GPC6: variants seen among roughly 807,000 people sequenced by gnomAD.
GPC6 encodes glypican 6, also known as glypican-6.
A neutral mutation model predicts 55.2 loss-of-function variants in GPC6; 14 were observed. The observed-to-expected ratio is 0.25, with a 90% CI of 0.17 to 0.40. The LOEUF (loss-of-function observed/expected upper bound fraction) is 0.40, where lower values mean the gene tolerates loss of function less well. Ranked by LOEUF, GPC6 falls within the 10% of genes least tolerant of loss-of-function variation. The probability of loss-of-function intolerance (pLI) is 1.00; values close to 1 mark genes in which losing one functional copy is unlikely to be tolerated. For missense variants in GPC6, 641 were observed against 708.5 expected (o/e 0.90, Z 1.08); for synonymous variants, 278 against 259.6 (o/e 1.07, Z -0.68).
At chr13:93,997,564 G>A (rs1258900389) in intron 3 of GPC6, among the ~76,000 whole-genome samples, 1 of 135,050 alleles carries the variant, frequency 7.4e-6, no homozygotes, top group Non-Finnish European at 1.6e-5. Flanking sequence ...TATCACATCA[G>A]CATAAAAAGA....
intron 2 of GPC6, among the ~76,000 whole-genome samples, chr13:93,812,356 A>G (rs1201243312): frequency 1.3e-5 from 2 of 151,934 alleles, no homozygotes; most frequent in African/African-American, 2.4e-5. Flanking sequence ...ACTGCACTCC[A>G]GCCTGGGTGA....
In GPC6 at chr13:94,362,586, G is replaced by C. The variant is rs557359682; in HGVS notation, c.1153-19828G>C. Among the ~76,000 whole-genome samples the C allele has an allele frequency of 3.9e-5, 6 of 152,240 alleles. No individual in the cohort carries two copies. In the South Asian group the frequency reaches 1.2e-3, roughly 32 times the overall value. On this transcript the variant is annotated intron_variant, in intron 6 of 8. Transcript: ENST00000377047. ...AAAGACTGGACAACACTGCCATCTG[G>C]TGGTTATAATGAAGGTGGCCTCTAA... is the stretch of plus-strand genomic sequence containing the variant.
chr13:94,190,873 C>T (rs1372344425), intron 4 of GPC6, among the ~76,000 whole-genome samples: 1 of 151,958 alleles, frequency 6.6e-6, no homozygotes, highest in Non-Finnish European at 1.5e-5. Flanking sequence ...TATTATTCTT[C>T]AGTAGTATAA....
At chr13:93,738,766 T>G (rs1884088489) in intron 2 of GPC6, among the ~76,000 whole-genome samples, 1 of 152,122 alleles carries the variant, frequency 6.6e-6, no homozygotes, top group African/African-American at 2.4e-5. Context: ...AAATTTGAAT[T>G]CTACACATTC....
chr13:94,339,310 T>C (rs2139153517), intron 6 of GPC6, among the ~76,000 whole-genome samples: 1 of 152,266 alleles, frequency 6.6e-6, no homozygotes, highest in East Asian at 1.9e-4. Context: ...GCAACTTGCC[T>C]GCCTCCGCCT....
At chr13:93,961,967 A>C (rs1879797166) in intron 3 of GPC6, among the ~76,000 whole-genome samples, 1 of 152,218 alleles carries the variant, frequency 6.6e-6, no homozygotes, top group South Asian at 2.1e-4. Context: ...GCTGTTCAAG[A>C]CTCAACTATT....
intron 3 of GPC6, among the ~76,000 whole-genome samples, chr13:93,904,683 C>T (rs1391483677): frequency 6.6e-6 from 1 of 152,112 alleles, no homozygotes; most frequent in African/African-American, 2.4e-5. Flanking sequence ...CTGCACTGAG[C>T]CATGAGCATG....
intron 1 of GPC6, among the ~76,000 whole-genome samples, chr13:93,514,953 A>G (rs1391955764): frequency 2.0e-5 from 3 of 152,178 alleles, no homozygotes; most frequent in African/African-American, 7.2e-5. Flanking sequence ...GTGTCTCCCA[A>G]AATTCATGCA....
At chr13:93,644,714 A>C (rs551818671) in intron 2 of GPC6, among the ~76,000 whole-genome samples, 8 of 151,886 alleles carry the variant, frequency 5.3e-5, no homozygotes, top group African/African-American at 1.4e-4. Context: ...TGGGTGACTT[A>C]GGTTCTTTTT....
chr13:94,338,246 G>A (rs17253850), intron 6 of GPC6, among the ~76,000 whole-genome samples: 8,370 of 152,240 alleles, frequency 0.055, 368 homozygotes, highest in South Asian at 0.19. Flanking sequence ...CTAATTACCA[G>A]AGATTCCTAA....
At chr13:93,238,320 A>G (rs555023254) in intron 1 of GPC6, among the ~76,000 whole-genome samples, 4 of 151,972 alleles carry the variant, frequency 2.6e-5, no homozygotes. Context: ...TAAAATAAAA[A>G]TTTTATTGTT....
At chr13:93,822,994 G>C (rs886453777) in intron 2 of GPC6, among the ~76,000 whole-genome samples, 2 of 151,668 alleles carry the variant, frequency 1.3e-5, no homozygotes, top group Non-Finnish European at 1.5e-5. Context: ...CTCCTGAGGA[G>C]CCAGGACTAT....
chr13:94,271,621 T>C (rs1251025990), intron 4 of GPC6, among the ~76,000 whole-genome samples: 1 of 152,088 alleles, frequency 6.6e-6, no homozygotes, highest in Non-Finnish European at 1.5e-5. Flanking sequence ...TTCATTGTAG[T>C]GTTGGGGAGA....
At chr13:93,596,277 T>A (rs899660985) in intron 2 of GPC6, among the ~76,000 whole-genome samples, 4 of 151,898 alleles carry the variant, frequency 2.6e-5, no homozygotes, top group African/African-American at 9.7e-5. Context: ...CTGGAAAAAT[T>A]CAGATGGGCC....
intron 1 of GPC6, among the ~76,000 whole-genome samples, chr13:93,385,179 A>G (rs915296356): frequency 2.0e-5 from 3 of 152,240 alleles, no homozygotes; most frequent in African/African-American, 7.2e-5. Flanking sequence ...CAGACACGCA[A>G]AGAGAGCTGC....
chr13:93,299,712 C>G (rs1878610033), intron 1 of GPC6, among the ~76,000 whole-genome samples: 1 of 152,140 alleles, frequency 6.6e-6, no homozygotes, highest in African/African-American at 2.4e-5. Flanking sequence ...GTGTTATATG[C>G]CAATGCCACT....
At chr13:93,359,160 C>G (rs1003479747) in intron 1 of GPC6, among the ~76,000 whole-genome samples, 2 of 151,904 alleles carry the variant, frequency 1.3e-5, no homozygotes, top group African/African-American at 4.8e-5. Context: ...GAGGCTGGGT[C>G]TCAGCATGTT....
intron 3 of GPC6, among the ~76,000 whole-genome samples, chr13:93,962,282 A>G (rs1948985343): frequency 6.6e-6 from 1 of 152,180 alleles, no homozygotes; most frequent in African/African-American, 2.4e-5. Flanking sequence ...CATCTTTTTA[A>G]CCCTTAAGCA....
chr13:93,613,086 T>A (rs183994700), intron 2 of GPC6, among the ~76,000 whole-genome samples: 7 of 152,288 alleles, frequency 4.6e-5, no homozygotes, highest in Admixed American at 4.6e-4. Context: ...TTATAATGGC[T>A]TTCAAAGGAG....
Sources: allele counts gnomAD v4.1 joint callset (sites outside exome capture counted in the v4.1 genomes callset), GRCh38; gene constraint gnomAD v4.1.1; transcripts MANE v1.5; gene names NCBI Gene and HGNC (gene_info 2026-07-23, HGNC 2026-07-21).